The following ZMIZ1 variants were observed in gnomAD, a reference collection of about 807,000 sequenced individuals.
ZMIZ1 encodes zinc finger MIZ domain-containing protein 1.
ZMIZ1 carries 17 observed loss-of-function variants against 113.9 expected under a neutral mutation model. The observed-to-expected ratio is 0.15, with a 90% CI of 0.10 to 0.22. ZMIZ1 has a LOEUF of 0.22. Ranked by LOEUF, ZMIZ1 falls within the 10% of genes least tolerant of loss-of-function variation. The pLI is 1.00. For synonymous variants in ZMIZ1, 607 were observed against 603.1 expected, an observed-to-expected ratio of 1.01 and a Z score of -0.09; for missense variants, 1,059 against 1,477.8, an observed-to-expected ratio of 0.72 and a Z score of 4.65.
chr10:79,235,099 G>A (rs373444966), intron 7 of ZMIZ1, among the ~76,000 whole-genome samples: 3 of 152,226 alleles, frequency 2.0e-5, no homozygotes, highest in African/African-American at 7.2e-5. Context: ...CTGCCCTGGC[G>A]GCCACCTTTG....
chr10:79,089,106 G>A (rs1010291596), intron 1 of ZMIZ1, among the ~76,000 whole-genome samples: 15 of 152,220 alleles, frequency 9.9e-5, no homozygotes, highest in Admixed American at 5.9e-4. Flanking sequence ...CTGCCCCTCC[G>A]ACAGGACAGC....
chr10:79,276,762 G>A (rs1435909961), intron 7 of ZMIZ1, among the ~76,000 whole-genome samples: 1 of 152,142 alleles, frequency 6.6e-6, no homozygotes, highest in Non-Finnish European at 1.5e-5. Context: ...GTGTGAGGGA[G>A]TGAGCTTCCC....
intron 3 of ZMIZ1, among the ~76,000 whole-genome samples, chr10:79,141,872 G>T (rs116589423): frequency 6.6e-6 from 1 of 152,236 alleles, no homozygotes; most frequent in African/African-American, 2.4e-5. Flanking sequence ...ACCCACTCCT[G>T]TAGGCGGACA....
chr10:79,110,120 G>T (rs1363063547), intron 1 of ZMIZ1, among the ~76,000 whole-genome samples: 1 of 152,250 alleles, frequency 6.6e-6, no homozygotes, highest in African/African-American at 2.4e-5. Flanking sequence ...CCACCCTCTG[G>T]CCTTGGGATG....
chr10:79,201,788 G>A, intron 5 of ZMIZ1, 96 bp downstream of exon 5: 1 of 1,383,388 alleles, frequency 7.2e-7, no homozygotes, highest in Non-Finnish European at 1.0e-6. Flanking sequence ...ACGATGGCAG[G>A]GCCTCCTGAC....
rs115343385 is a variant in ZMIZ1, at chr10:79,195,504, A to G, written c.-49-6080A>G. 3.4e-3 allele frequency among the ~76,000 whole-genome samples: 523 copies of G among 152,264 alleles called. 2 individuals carry two copies. Among genetic ancestry groups the G allele is most frequent in the African/African-American group, 0.012 (496 of 41,574 alleles). On this transcript the variant is annotated intron_variant, in intron 4 of 24. Coordinates refer to ENST00000334512, the MANE Select transcript of ZMIZ1 (RefSeq NM_020338.4). ...GGGCGGGAGCCCGGCCTCTCCGGCTATAGAGCTGCAGCCACGGAGGATTTG... is the reference window on the plus strand; with the variant it reads ...GGGCGGGAGCCCGGCCTCTCCGGCTGTAGAGCTGCAGCCACGGAGGATTTG...
At position 79,201,588 on chromosome 10, in the gene ZMIZ1, G is replaced by T; in HGVS notation, c.-45G>T. ...ACCTCTCCTTTCTCTTCGCAGGCTG[G>T]ACAACGTTCATGGCTCTCGGGTAGA... On this transcript the variant is annotated 5_prime_UTR_variant, in exon 5 of 25. Coordinates refer to ENST00000334512, the MANE Select transcript of ZMIZ1 (RefSeq NM_020338.4). The T allele has an allele frequency of 6.2e-7, 1 of 1,609,348 alleles. No individual in the cohort carries two copies. Among genetic ancestry groups the T allele is most frequent in the Non-Finnish European group, 8.5e-7 (1 of 1,177,106 alleles).
At chr10:79,301,082 C>G (rs937891355) in intron 17 of ZMIZ1, 140 bp downstream of exon 17, 1 of 1,262,810 alleles carries the variant, frequency 7.9e-7, no homozygotes, top group Admixed American at 2.2e-5. Flanking sequence ...GCCAAAGATA[C>G]AGCGTCCCCT....
At chr10:79,228,186 T>C (rs1849265090) in intron 7 of ZMIZ1, among the ~76,000 whole-genome samples, 2 of 152,254 alleles carry the variant, frequency 1.3e-5, no homozygotes, top group South Asian at 2.1e-4. Context: ...CTTCATGCCA[T>C]GCATTGCAGC....
chr10:79,302,340 G>T (rs1398017559), intron 18 of ZMIZ1, 128 bp downstream of exon 18: 22 of 908,592 alleles, frequency 2.4e-5, no homozygotes, highest in Non-Finnish European at 3.4e-5. Context: ...GGCCTGGAGT[G>T]TCCCTGAGCG....
At chr10:79,072,710 CA>C (rs1769173006) in intron 1 of ZMIZ1, among the ~76,000 whole-genome samples, 2 of 152,238 alleles carry the variant, frequency 1.3e-5, no homozygotes, top group South Asian at 4.1e-4. Flanking sequence ...TCTACATTTT[CA>C]TTCATAACTT....
At chr10:79,164,604 C>T (rs1055171071) in intron 4 of ZMIZ1, among the ~76,000 whole-genome samples, 11 of 152,190 alleles carry the variant, frequency 7.2e-5, no homozygotes, top group African/African-American at 1.9e-4. Context: ...TGGTGAACTC[C>T]GGCCAGGAGA....
intron 8 of ZMIZ1, among the ~76,000 whole-genome samples, chr10:79,280,363 C>T (rs913089808): frequency 5.9e-5 from 9 of 152,168 alleles, no homozygotes; most frequent in African/African-American, 2.2e-4. Flanking sequence ...CAGCCTCGAC[C>T]TCCTTGGCTC....
chr10:79,228,634 G>T (rs2132767016), intron 7 of ZMIZ1, among the ~76,000 whole-genome samples: 1 of 152,350 alleles, frequency 6.6e-6, no homozygotes, highest in Middle Eastern at 3.4e-3. Flanking sequence ...GCAGAGCAAG[G>T]GCTCGGAGGT....
At chr10:79,103,716 C>T (rs566706071) in intron 1 of ZMIZ1, among the ~76,000 whole-genome samples, 2 of 152,236 alleles carry the variant, frequency 1.3e-5, no homozygotes, top group South Asian at 4.1e-4. Flanking sequence ...GCAAGCCCTC[C>T]TCCCTGGGGC....
intron 7 of ZMIZ1, among the ~76,000 whole-genome samples, chr10:79,273,564 G>A (rs1277366009): frequency 6.6e-6 from 1 of 152,138 alleles, no homozygotes; most frequent in East Asian, 1.9e-4. Context: ...CATTATATTG[G>A]CAAGGTTAGT....
chr10:79,280,944 C>A (rs1267375581), intron 8 of ZMIZ1, among the ~76,000 whole-genome samples: 1 of 152,218 alleles, frequency 6.6e-6, no homozygotes, highest in African/African-American at 2.4e-5. Flanking sequence ...CTTATTAATT[C>A]TAACTCAGCC....
intron 7 of ZMIZ1, among the ~76,000 whole-genome samples, chr10:79,236,352 C>G (rs560047044): frequency 2.6e-5 from 4 of 152,198 alleles, no homozygotes; most frequent in African/African-American, 4.8e-5. Context: ...GCCAGGCAGG[C>G]AGACAGTCCG....
intron 8 of ZMIZ1, among the ~76,000 whole-genome samples, chr10:79,283,515 A>T (rs956765759): frequency 6.6e-6 from 1 of 152,206 alleles, no homozygotes; most frequent in African/African-American, 2.4e-5. Context: ...CCAAACAAGA[A>T]AGAAGGGGGC....
Sources: gnomAD v4.1 joint callset for allele counts (sites outside exome capture counted in the v4.1 genomes callset) on GRCh38, gnomAD v4.1.1 for gene constraint, MANE v1.5 for transcripts, NCBI Gene and HGNC (gene_info 2026-07-23, HGNC 2026-07-21) for gene names.